LNX1: variants seen among roughly 807,000 people sequenced by gnomAD.
LNX1 encodes the protein ligand of numb-protein X 1, also known as E3 ubiquitin-protein ligase LNX.
In LNX1, 54 loss-of-function variants were observed where a neutral mutation model predicts 68.4. The ratio of observed to expected loss-of-function variants is 0.79; its 90% CI spans 0.63 to 0.99. The LOEUF (loss-of-function observed/expected upper bound fraction) is 0.99. Among genes scored for constraint, LNX1 ranks in the 50% least tolerant of loss-of-function variants. The pLI is 0.00. For missense variants in LNX1, 906 were observed against 926.4 expected (o/e 0.98, Z 0.29); for synonymous variants, 336 against 350.0 (o/e 0.96, Z 0.45).
intron 4 of LNX1, among the ~76,000 whole-genome samples, chr4:53,502,893 C>A (rs1725604305): frequency 6.6e-6 from 1 of 151,866 alleles, no homozygotes; most frequent in African/African-American, 2.4e-5. Flanking sequence ...CCTCTACACT[C>A]ATTCAAGTTT....
chr4:53,488,998 A>G (rs1274380960), intron 6 of LNX1, among the ~76,000 whole-genome samples: 1 of 152,234 alleles, frequency 6.6e-6, no homozygotes, highest in African/African-American at 2.4e-5. Flanking sequence ...ATATAACTCT[A>G]GAATGAATTA....
intron 4 of LNX1, among the ~76,000 whole-genome samples, chr4:53,506,426 CAT>C (rs35099227): frequency 0.1 from 15,832 of 152,140 alleles, 1,092 homozygotes; most frequent in East Asian, 0.22. Flanking sequence ...TTGGGGAAAA[CAT>C]ATGGGATCTA....
intron 2 of LNX1, among the ~76,000 whole-genome samples, chr4:53,547,825 C>A (rs1577695035): frequency 6.6e-6 from 1 of 152,192 alleles, no homozygotes; most frequent in Non-Finnish European, 1.5e-5. Flanking sequence ...GAATTTGGTA[C>A]CTCAGAGCTC....
At chr4:53,565,966 C>T (rs957739441) in intron 2 of LNX1, among the ~76,000 whole-genome samples, 29 of 152,092 alleles carry the variant, frequency 1.9e-4, no homozygotes, top group East Asian at 5.8e-4. Flanking sequence ...TAAAAAGAAA[C>T]GAGCAAAGCC....
chr4:53,635,998 C>T (rs1002616409), intron 1 of LNX1, among the ~76,000 whole-genome samples: 21 of 152,122 alleles, frequency 1.4e-4, no homozygotes, highest in African/African-American at 4.8e-4. Context: ...GGCCCCTTTG[C>T]TAATTCCTGT....
chr4:53,548,952 T>C (rs1252600638), intron 2 of LNX1, among the ~76,000 whole-genome samples: 1 of 152,016 alleles, frequency 6.6e-6, no homozygotes, highest in Non-Finnish European at 1.5e-5. Context: ...CATATCTAAG[T>C]GGGAGCTGAA....
rs556027706 is a variant in LNX1 at position 53,580,172 on chromosome 4, A to G, written c.-86-6084T>C. On this transcript the variant is annotated intron_variant, in intron 1 of 10. Transcript: ENST00000263925. ...CTTTGATTAATAGAGGAAAAAGTCCACATAATGAGCAAAATTTTCCTTTCC... is the reference window on the plus strand; with the variant it reads ...CTTTGATTAATAGAGGAAAAAGTCCGCATAATGAGCAAAATTTTCCTTTCC... 5.3e-5 allele frequency among the ~76,000 whole-genome samples: 8 copies of G among 152,350 alleles called. No individual in the cohort carries two copies. The South Asian group carries it at 1.7e-3, about 32-fold the overall frequency.
At chr4:53,527,946 T>C (rs571871729) in intron 2 of LNX1, among the ~76,000 whole-genome samples, 85 of 152,346 alleles carry the variant, frequency 5.6e-4, no homozygotes, top group African/African-American at 1.8e-3. Flanking sequence ...CTAATAAAGT[T>C]TACTTTTTCT....
chr4:53,637,603 A>C (rs1479021124), intron 1 of LNX1, among the ~76,000 whole-genome samples: 1 of 152,132 alleles, frequency 6.6e-6, no homozygotes, highest in Non-Finnish European at 1.5e-5. Context: ...ATTACTACAG[A>C]ATTTCATCAC....
intron 6 of LNX1, 148 bp from the exon 7 acceptor site, chr4:53,482,002 A>G (rs1172651058): frequency 6.0e-6 from 6 of 1,007,910 alleles, no homozygotes; most frequent in Admixed American, 3.2e-5. Flanking sequence ...GTTACTATCC[A>G]TCTTGTAATT....
intron 2 of LNX1, among the ~76,000 whole-genome samples, chr4:53,509,441 G>A (rs1726167237): frequency 6.6e-6 from 1 of 152,154 alleles, no homozygotes; most frequent in Admixed American, 6.5e-5. Flanking sequence ...ACTGCCCATA[G>A]AATCATAGAA....
chr4:53,467,773 A>C (rs988886723), intron 9 of LNX1, among the ~76,000 whole-genome samples: 3 of 152,206 alleles, frequency 2.0e-5, no homozygotes, highest in Non-Finnish European at 4.4e-5. Flanking sequence ...AAATGAAGCG[A>C]GAAGAGAAGT....
intron 2 of LNX1, among the ~76,000 whole-genome samples, chr4:53,554,360 A>G (rs1180380070): frequency 6.6e-6 from 1 of 152,190 alleles, no homozygotes; most frequent in Non-Finnish European, 1.5e-5. Context: ...AACATTACGA[A>G]TTGGTTTGGC....
At chr4:53,500,868 A>C (rs1464911288) in intron 4 of LNX1, among the ~76,000 whole-genome samples, 1 of 152,224 alleles carries the variant, frequency 6.6e-6, no homozygotes, top group Non-Finnish European at 1.5e-5. Context: ...ATTCATTCTG[A>C]GCAAAGAAAG....
intron 2 of LNX1, among the ~76,000 whole-genome samples, chr4:53,560,348 T>C (rs180683250): frequency 6.6e-6 from 1 of 152,344 alleles, no homozygotes; most frequent in Admixed American, 6.5e-5. Flanking sequence ...ATTAATTAAT[T>C]AATGTGACTG....
intron 2 of LNX1, among the ~76,000 whole-genome samples, chr4:53,555,844 T>C (rs1308090735): frequency 2.0e-5 from 3 of 152,236 alleles, no homozygotes; most frequent in Non-Finnish European, 4.4e-5. Flanking sequence ...CGTTCAGTTA[T>C]TCAGCAAAAA....
At chr4:53,588,519 G>A (rs1421293106) in intron 1 of LNX1, among the ~76,000 whole-genome samples, 2 of 152,174 alleles carry the variant, frequency 1.3e-5, no homozygotes, top group Non-Finnish European at 2.9e-5. Flanking sequence ...TTCTAAAGCA[G>A]TAGCATTGCC....
intron 2 of LNX1, among the ~76,000 whole-genome samples, chr4:53,538,441 G>T (rs1728527439): frequency 6.6e-6 from 1 of 152,044 alleles, no homozygotes; most frequent in Non-Finnish European, 1.5e-5. Context: ...AGTGGAGGAG[G>T]CAGGCATGAG....
chr4:53,565,374 T>C lies in LNX1; in HGVS notation c.380+8249A>G, dbSNP rs368180873. Among the ~76,000 whole-genome samples, 312 of 151,904 alleles carry C rather than the reference T, an allele frequency of 2.1e-3. 4 individuals carry two copies. The highest frequency in any genetic ancestry group is 2.3e-3 in the Non-Finnish European group (153 of 67,966). ...CGAGCAGCCTAACTGGGAGGCACCC[T>C]CCAGCAGGGGCACACTGACACCTCA... On this transcript the variant is annotated intron_variant, in intron 2 of 10. Coordinates refer to ENST00000263925, the MANE Select transcript of LNX1 (RefSeq NM_001126328.3).
Sources: gnomAD v4.1 joint callset for allele counts (sites outside exome capture counted in the v4.1 genomes callset) on GRCh38, gnomAD v4.1.1 for gene constraint, MANE v1.5 for transcripts, NCBI Gene and HGNC (gene_info 2026-07-23, HGNC 2026-07-21) for gene names.